The following PRKN variants were observed in gnomAD, a reference collection of about 807,000 sequenced individuals.
PRKN encodes the protein E3 ubiquitin-protein ligase parkin.
Under a neutral mutation model 59.5 loss-of-function variants are expected in PRKN, and 56 were observed. The observed-to-expected ratio is 0.94, with a 90% CI of 0.76 to 1.18. PRKN has a LOEUF of 1.18. Among genes scored for constraint, PRKN ranks in the 50% most tolerant of loss-of-function variants. PRKN has a pLI of 0.00. For synonymous variants in PRKN, 250 were observed against 222.1 expected (o/e 1.13, Z -1.12); for missense variants, 657 against 596.4 (o/e 1.10, Z -1.06).
intron 4 of PRKN, among the ~76,000 whole-genome samples, chr6:162,145,902 G>C (rs574557426): frequency 3.3e-5 from 5 of 152,326 alleles, no homozygotes; most frequent in African/African-American, 1.2e-4. Flanking sequence ...GACTTGGCCT[G>C]TAATCAGTCT....
chr6:162,682,455 A>G (rs1779807342), intron 1 of PRKN, among the ~76,000 whole-genome samples: 1 of 152,190 alleles, frequency 6.6e-6, no homozygotes, highest in Non-Finnish European at 1.5e-5. Flanking sequence ...CTTTGAAGCA[A>G]CATGCATGCA....
At chr6:162,312,953 T>TCA (rs1454696003) in intron 2 of PRKN, among the ~76,000 whole-genome samples, 1 of 152,112 alleles carries the variant, frequency 6.6e-6, no homozygotes, top group African/African-American at 2.4e-5. Context: ...GAAAATATAA[T>TCA]TTGAAGGATT....
intron 1 of PRKN, among the ~76,000 whole-genome samples, chr6:162,614,161 A>G (rs538117736): frequency 5.2e-4 from 79 of 152,302 alleles, no homozygotes; most frequent in African/African-American, 1.8e-3. Context: ...TTTAATCATA[A>G]ACTAACACCT....
chr6:162,671,073 T>C (rs960919530), intron 1 of PRKN, among the ~76,000 whole-genome samples: 12 of 152,086 alleles, frequency 7.9e-5, no homozygotes, highest in Non-Finnish European at 1.6e-4. Flanking sequence ...ATCTTATCTA[T>C]TTAGAGAAAA....
At chr6:161,542,867 A>AT (rs1779664831) in intron 9 of PRKN, among the ~76,000 whole-genome samples, 3 of 152,316 alleles carry the variant, frequency 2.0e-5, no homozygotes, top group Admixed American at 2.0e-4. Flanking sequence ...AACATCATAT[A>AT]TTTGGAGACT....
chr6:162,550,513 C>T (rs1441539902), intron 1 of PRKN, among the ~76,000 whole-genome samples: 2 of 152,100 alleles, frequency 1.3e-5, no homozygotes, highest in Non-Finnish European at 2.9e-5. Flanking sequence ...GTAAACACCC[C>T]CATCCTTGTC....
chr6:162,372,518 C>T (rs1008141040), intron 2 of PRKN, among the ~76,000 whole-genome samples: 1 of 151,940 alleles, frequency 6.6e-6, no homozygotes, highest in Non-Finnish European at 1.5e-5. Context: ...TGGGTAAACA[C>T]GGACATAAAT....
chr6:162,526,315 G>GT (rs1352064245), intron 1 of PRKN, among the ~76,000 whole-genome samples: 2 of 136,356 alleles, frequency 1.5e-5, no homozygotes, highest in East Asian at 2.1e-4. Context: ...ATCATTAGAA[G>GT]TAAAAAAAAA....
chr6:161,532,819 C>T (rs1333028212), intron 9 of PRKN, among the ~76,000 whole-genome samples: 1 of 152,058 alleles, frequency 6.6e-6, no homozygotes, highest in Non-Finnish European at 1.5e-5. Context: ...TCACTGTCCA[C>T]CCTTTATACC....
Position 161,352,843 on chromosome 6 carries a change from G to A in PRKN, c.1286-2632C>T, listed in dbSNP as rs933254336. 1.7e-3 allele frequency among the ~76,000 whole-genome samples: 254 copies of A among 151,422 alleles called. 1 individual carries two copies. Among genetic ancestry groups the A allele is most frequent in the Non-Finnish European group, 1.6e-3 (111 of 67,896 alleles). On this transcript the variant is annotated intron_variant, in intron 11 of 11. Coordinates refer to ENST00000366898, the MANE Select transcript of PRKN (RefSeq NM_004562.3). This position sits in a 1 kb window ranked among gnomAD's most constrained non-coding sequence, Gnocchi z 5.8. ...TCGCCCAGGCTGGAGTACAGGGCGC[G>A]ATCTGGGCTCACTGCCACCTCTGCC...
chr6:161,570,117 A>C (rs1780814486), intron 7 of PRKN, among the ~76,000 whole-genome samples: 1 of 128,270 alleles, frequency 7.8e-6, no homozygotes, highest in Admixed American at 8.5e-5. Context: ...CAAAGTAAGT[A>C]AATAGGTAAA....
chr6:162,045,869 C>CTA (rs1474447662), intron 5 of PRKN, among the ~76,000 whole-genome samples: 5 of 152,196 alleles, frequency 3.3e-5, no homozygotes, highest in Non-Finnish European at 7.3e-5. Context: ...TGCACTGAGG[C>CTA]TATCTCAGAG....
At position 161,428,469 on chromosome 6, in the gene PRKN, C is replaced by A. The variant is rs1402256072; in HGVS notation, c.1084-41592G>T. Among the ~76,000 whole-genome samples, 1 of 152,138 alleles carries A rather than the reference C, an allele frequency of 6.6e-6. No individual in the cohort carries two copies. Among genetic ancestry groups the A allele is most frequent in the Non-Finnish European group, 1.5e-5 (1 of 68,034 alleles). The stretch of plus-strand genomic sequence containing the variant: ...ATGGAGAGACAGGCGGCTGCTCCGT[C>A]CATCTTCGAACCTGGCTGGCATCGC... On this transcript the variant is annotated intron_variant, in intron 9 of 11. Transcript: ENST00000366898. The surrounding 1 kb of genome is among the most constrained non-coding windows in gnomAD (Gnocchi z 4.0).
intron 1 of PRKN, among the ~76,000 whole-genome samples, chr6:162,640,744 TGTTTGTAA>T (rs1777926092): frequency 6.6e-6 from 1 of 152,198 alleles, no homozygotes; most frequent in Non-Finnish European, 1.5e-5. Context: ...AAGCAATACC[TGTTTGTAA>T]GGCTGTGCTT....
chr6:162,587,002 T>A (rs1200056279), intron 1 of PRKN, among the ~76,000 whole-genome samples: 1 of 152,128 alleles, frequency 6.6e-6, no homozygotes, highest in Non-Finnish European at 1.5e-5. Flanking sequence ...AGCTATATAG[T>A]TAAAATCACC....
At position 162,046,857 on chromosome 6, in the gene PRKN, G is replaced by C. The variant is rs571079407; in HGVS notation, c.618+7234C>G. ...TTTGATTCAAATTTGCAAAATTTAA[G>C]CTAATTCTGTAATAAAAATCTATCT... On this transcript the variant is annotated intron_variant, in intron 5 of 11. Transcript: ENST00000366898. Among the ~76,000 whole-genome samples the C allele has an allele frequency of 9.3e-4, 141 of 151,606 alleles. 1 individual carries two copies. The highest frequency in any genetic ancestry group is 3.3e-3 in the African/African-American group (136 of 41,286).
At chr6:161,952,325 T>C (rs1465632821) in intron 6 of PRKN, among the ~76,000 whole-genome samples, 2 of 152,116 alleles carry the variant, frequency 1.3e-5, no homozygotes, top group Non-Finnish European at 2.9e-5. Flanking sequence ...TTATTTAAAA[T>C]TACAATAGTC....
chr6:162,495,601 G>A (rs1793028406), intron 1 of PRKN, among the ~76,000 whole-genome samples: 1 of 152,216 alleles, frequency 6.6e-6, no homozygotes, highest in South Asian at 2.1e-4. Context: ...CCAGATCTCA[G>A]TGTGATACCT....
intron 1 of PRKN, among the ~76,000 whole-genome samples, chr6:162,472,457 C>CTTTTATTTTATTTTATTTTATTTTA (rs368175916): frequency 2.4e-5 from 3 of 123,658 alleles, no homozygotes; most frequent in African/African-American, 9.0e-5. Context: ...CAAACTCTAA[C>CTTTTATTTTATTTTATTTTATTTTA]TTTTATTTTA....
Sources: gnomAD v4.1 joint callset for allele counts (sites outside exome capture counted in the v4.1 genomes callset) on GRCh38, gnomAD v4.1.1 for gene constraint, Gnocchi (gnomAD v3.1) non-coding constraint, MANE v1.5 for transcripts, NCBI Gene and HGNC (gene_info 2026-07-23, HGNC 2026-07-21) for gene names.